ST8SIA6: variants seen among roughly 807,000 people sequenced by gnomAD.
ST8SIA6 encodes ST8 alpha-N-acetyl-neuraminide alpha-2,8-sialyltransferase 6.
A neutral mutation model predicts 33.6 loss-of-function variants in ST8SIA6; 39 were observed. That is an observed-to-expected ratio of 1.16 (90% CI 0.90 to 1.52). The LOEUF (loss-of-function observed/expected upper bound fraction) is 1.52, where lower values mean the gene tolerates loss of function less well. Ranked by LOEUF, ST8SIA6 falls within the 40% of genes most tolerant of loss-of-function variation. The pLI, the probability that ST8SIA6 is intolerant of heterozygous loss-of-function variation, is 0.00. For missense variants in ST8SIA6, 441 were observed against 443.8 expected (o/e 0.99, Z 0.06); for synonymous variants, 172 against 167.2 (o/e 1.03, Z -0.22).
chr10:17,405,532 A>G lies in ST8SIA6; in HGVS notation c.201-14912T>C, dbSNP rs965762546. On this transcript the variant is annotated intron_variant, in intron 2 of 7. Coordinates refer to ENST00000377602, the MANE Select transcript of ST8SIA6 (RefSeq NM_001004470.3). ...ACAGTGATCAAGAGGATAAACTTTA[A>G]AGGCAAGTGGACAATCACTCAAATT... 1.3e-4 allele frequency among the ~76,000 whole-genome samples: 20 copies of G among 149,952 alleles called. No individual in the cohort carries two copies. The Admixed American group carries it at 1.3e-3, about 10-fold the overall frequency.
intron 4 of ST8SIA6, 92 bp downstream of exon 4, chr10:17,359,422 A>T: frequency 9.8e-7 from 1 of 1,020,774 alleles, no homozygotes; most frequent in Non-Finnish European, 1.4e-6. Flanking sequence ...GGTTGGTTCT[A>T]CTTCTCTTTT....
At chr10:17,421,532 TA>T (rs1851780807) in intron 2 of ST8SIA6, among the ~76,000 whole-genome samples, 1 of 152,160 alleles carries the variant, frequency 6.6e-6, no homozygotes, top group Non-Finnish European at 1.5e-5. Context: ...ATCTTAGAAT[TA>T]AAAGGATTCA....
intron 3 of ST8SIA6, among the ~76,000 whole-genome samples, chr10:17,367,993 C>T (rs1009906266): frequency 2.0e-5 from 3 of 152,110 alleles, no homozygotes; most frequent in Admixed American, 2.0e-4. Flanking sequence ...CGTATCCGTA[C>T]AGCACTTATC....
chr10:17,404,095 G>T (rs1165922035), intron 2 of ST8SIA6, among the ~76,000 whole-genome samples: 2 of 151,116 alleles, frequency 1.3e-5, no homozygotes, highest in African/African-American at 2.4e-5. Context: ...AAGAATGGAG[G>T]CCATAAGAGT....
chr10:17,320,820 A>G lies in ST8SIA6; in HGVS notation c.*58T>C. The G allele has an allele frequency of 1.9e-6, 3 of 1,554,550 alleles. No individual in the cohort carries two copies. The South Asian group carries it at 3.5e-5, about 18-fold the overall frequency. ...TAGCCACCTCCTTTGGTGTTTGGAGACATTGTTAATCACCTACTGCATTAT... is the reference window on the plus strand; with the variant it reads ...TAGCCACCTCCTTTGGTGTTTGGAGGCATTGTTAATCACCTACTGCATTAT... On this transcript the variant is annotated 3_prime_UTR_variant, in exon 8 of 8. Transcript: ENST00000377602.
intron 4 of ST8SIA6, among the ~76,000 whole-genome samples, chr10:17,340,285 A>AC (rs1209254736): frequency 6.6e-6 from 1 of 151,450 alleles, no homozygotes; most frequent in Non-Finnish European, 1.5e-5. Context: ...GTCCTGAGTC[A>AC]CCCTGGTCAC....
chr10:17,363,158 A>G (rs1849448618), intron 3 of ST8SIA6, among the ~76,000 whole-genome samples: 1 of 152,150 alleles, frequency 6.6e-6, no homozygotes, highest in African/African-American at 2.4e-5. Context: ...AAATCTCCCC[A>G]TTTAAAGCCC....
Position 17,454,002 on chromosome 10 carries a change from C to T in ST8SIA6, c.101+153G>A, listed in dbSNP as rs775019649. 6.6e-6 allele frequency among the ~76,000 whole-genome samples: 1 copy of T among 152,056 alleles called. No individual in the cohort carries two copies. The highest frequency in any genetic ancestry group is 1.5e-5 in the Non-Finnish European group (1 of 67,988). On this transcript the variant is annotated intron_variant, in intron 1 of 7. Transcript: ENST00000377602. The surrounding 1 kb of genome is among the most constrained non-coding windows in gnomAD (Gnocchi z 4.1). ...GGTCGCCTCCCTGCGACCCCCTCCCCCACTCCACTCTCAGGCCGTCGCCGC... is the reference window on the plus strand; with the variant it reads ...GGTCGCCTCCCTGCGACCCCCTCCCTCACTCCACTCTCAGGCCGTCGCCGC...
chr10:17,358,654 AG>A (rs879695514), intron 4 of ST8SIA6, among the ~76,000 whole-genome samples: 46,740 of 145,690 alleles, frequency 0.32, 9,768 homozygotes, highest in East Asian at 0.54. Flanking sequence ...AAAAAGAATA[AG>A]GAGGAGGAGG....
chr10:17,403,717 A>C (rs1176430609), intron 2 of ST8SIA6: 1 of 152,118 alleles, frequency 6.6e-6, no homozygotes, highest in Non-Finnish European at 1.5e-5. Context: ...AGTATTTTTT[A>C]ATATTAATAT....
intron 4 of ST8SIA6, among the ~76,000 whole-genome samples, chr10:17,335,720 C>T (rs1055477853): frequency 6.6e-6 from 1 of 152,078 alleles, no homozygotes; most frequent in Non-Finnish European, 1.5e-5. Flanking sequence ...TTTAATTATA[C>T]ATTTAATTTG....
chr10:17,333,286 G>C (rs148415729), intron 4 of ST8SIA6, among the ~76,000 whole-genome samples: 3,117 of 152,146 alleles, frequency 0.02, 73 homozygotes, highest in East Asian at 0.085. Flanking sequence ...TGGATAGAAA[G>C]AATCAATATT....
At chr10:17,390,934 C>T (rs963489214) in intron 2 of ST8SIA6, among the ~76,000 whole-genome samples, 5 of 151,092 alleles carry the variant, frequency 3.3e-5, no homozygotes, top group Non-Finnish European at 7.4e-5. Context: ...TCTCAGCTCA[C>T]TGCAACCTCC....
In ST8SIA6 at chr10:17,321,429, A is replaced by G. The variant is rs568462879; in HGVS notation, c.729-83T>C. 3 of 1,152,742 alleles carry G rather than the reference A, an allele frequency of 2.6e-6. No individual in the cohort carries two copies. In the African/African-American group the frequency reaches 4.7e-5, roughly 18 times the overall value. 71.4% of individuals were successfully genotyped at this position (1,152,742 alleles called of 1,614,324 possible). On this transcript the variant is annotated intron_variant, in intron 7 of 7. Transcript: ENST00000377602. ...TTGATAACATAAAGCTGAATTTACC[A>G]TTGGTCAAAACACTGAACGATTTGT...
At chr10:17,382,289 T>C (rs1352182341) in intron 3 of ST8SIA6, among the ~76,000 whole-genome samples, 5 of 152,136 alleles carry the variant, frequency 3.3e-5, no homozygotes, top group Non-Finnish European at 7.4e-5. Flanking sequence ...CATCCATGTA[T>C]CTTCTTGCTC....
intron 3 of ST8SIA6, among the ~76,000 whole-genome samples, chr10:17,369,346 G>T (rs181762521): frequency 6.6e-6 from 1 of 152,234 alleles, no homozygotes; most frequent in East Asian, 1.9e-4. Context: ...ATTTAGAAAT[G>T]TGTTGTTTAA....
intron 2 of ST8SIA6, among the ~76,000 whole-genome samples, chr10:17,434,162 G>C (rs145158778): frequency 6.6e-6 from 1 of 152,142 alleles, no homozygotes; most frequent in African/African-American, 2.4e-5. Context: ...CCACTCTCTA[G>C]ATGGGGGACT....
At chr10:17,383,495 A>C (rs1377270236) in intron 3 of ST8SIA6, among the ~76,000 whole-genome samples, 2 of 152,226 alleles carry the variant, frequency 1.3e-5, no homozygotes, top group Admixed American at 6.5e-5. Context: ...AGTAATAATC[A>C]TAATTGTTAT....
chr10:17,331,169 A>G (rs1461923185), intron 5 of ST8SIA6, among the ~76,000 whole-genome samples: 1 of 152,216 alleles, frequency 6.6e-6, no homozygotes, highest in Non-Finnish European at 1.5e-5. Context: ...TCATTCGAAG[A>G]AGAGTCTGGA....
Sources: gnomAD v4.1 joint callset for allele counts (sites outside exome capture counted in the v4.1 genomes callset) on GRCh38, gnomAD v4.1.1 for gene constraint, Gnocchi (gnomAD v3.1) non-coding constraint, MANE v1.5 for transcripts, NCBI Gene and HGNC (gene_info 2026-07-23, HGNC 2026-07-21) for gene names.